Variants in KCP observed in about 807,000 individuals in gnomAD.
The protein encoded by KCP is kielin/chordin-like protein.
In KCP, 194 loss-of-function variants were observed where a neutral mutation model predicts 212.7. The observed-to-expected ratio is 0.91, with a 90% CI of 0.81 to 1.03. The LOEUF (loss-of-function observed/expected upper bound fraction) is 1.03. KCP is among the 50% of genes least tolerant of loss of function. The pLI is 0.00. For missense variants in KCP, 2,080 were observed against 2,162.5 expected, an observed-to-expected ratio of 0.96 and a Z score of 0.76; for synonymous variants, 833 against 865.3, an observed-to-expected ratio of 0.96 and a Z score of 0.65.
At chr7:128,907,606 G>A (rs993458308) in intron 2 of KCP, among the ~76,000 whole-genome samples, 153 bp from the exon 3 acceptor site, 7 of 152,170 alleles carry the variant, frequency 4.6e-5, no homozygotes, top group African/African-American at 1.2e-4. Context: ...CAGCTCAAAC[G>A]ATCACCATTC....
chr7:128,877,702 TC>T lies in KCP; in HGVS notation c.4399del (p.Glu1467ArgfsTer9). On this transcript the variant is annotated frameshift_variant, in exon 39 of 40. Transcript: ENST00000610776. LOFTEE classifies it high-confidence loss of function. ...CRAAGYRARR[E>X]ANARCGVLKS... ...CAGCACCCCACACCGGGCATTGGCC[TC>T]ACGCCTGGCACGGTAACCTGCTGCC... 2 of 1,551,250 alleles carry T rather than the reference TC, an allele frequency of 1.3e-6. No homozygotes were observed. The highest frequency in any genetic ancestry group is 1.7e-6 in the Non-Finnish European group (2 of 1,146,972).
intron 22 of KCP, among the ~76,000 whole-genome samples, chr7:128,888,505 AAC>A (rs980602051): frequency 3.5e-5 from 5 of 143,940 alleles, no homozygotes; most frequent in Admixed American, 6.9e-5. Flanking sequence ...CACACAGGCC[AAC>A]ACACACAGCC....
chr7:128,889,459 G>T (rs902294482), intron 21 of KCP, among the ~76,000 whole-genome samples: 2 of 152,194 alleles, frequency 1.3e-5, no homozygotes, highest in African/African-American at 4.8e-5. Context: ...CCAGGAAGGG[G>T]TGGGGTCCCA....
At chr7:128,902,911 C>G in intron 7 of KCP, 52 bp from the exon 8 acceptor site, 1 of 1,407,202 alleles carries the variant, frequency 7.1e-7, no homozygotes, top group South Asian at 1.2e-5. Context: ...TGGCCTGGAC[C>G]CCAGCCTCAG....
intron 27 of KCP, 103 bp from the exon 28 acceptor site, chr7:128,884,966 G>A: frequency 6.7e-7 from 1 of 1,486,744 alleles, no homozygotes; most frequent in South Asian, 1.2e-5. Flanking sequence ...ATCCCAGGGA[G>A]TGGAGTGTGC....
intron 5 of KCP, among the ~76,000 whole-genome samples, chr7:128,905,932 C>T (rs1447620212): frequency 1.3e-5 from 2 of 152,118 alleles, no homozygotes; most frequent in Admixed American, 6.5e-5. Context: ...CTGTGCCCTC[C>T]TCTGGCAAAA....
chr7:128,898,373 T>G (rs1354506094), intron 8 of KCP, among the ~76,000 whole-genome samples: 1 of 152,152 alleles, frequency 6.6e-6, no homozygotes, highest in Non-Finnish European at 1.5e-5. Context: ...GACTCTTAAC[T>G]ATACAACTTG....
At chr7:128,907,522 G>T (rs1038770911) in intron 2 of KCP, 69 bp from the exon 3 acceptor site, 2 of 1,121,380 alleles carry the variant, frequency 1.8e-6, no homozygotes, top group East Asian at 2.9e-5. Flanking sequence ...GAGATGAGGG[G>T]TGTGAAAATG....
chr7:128,886,890 C>T lies in KCP; in HGVS notation c.2675G>A (p.Cys892Tyr). ...AGGCAGCTCACTGTGGCAAACAGGGCAGAAGCAGGGGCCTGGAGAGGGGTG... is the reference window on the plus strand; with the variant it reads ...AGGCAGCTCACTGTGGCAAACAGGGTAGAAGCAGGGGCCTGGAGAGGGGTG... ...CPHPSPGPCF[C>Y]PVCHSCLSQG... The change falls in exon 24 of 40, where the codon TGC (cysteine) becomes TAC (tyrosine). Residue 892 changes from cysteine (C) to tyrosine (Y), a missense_variant. Transcript: ENST00000610776. The T allele has an allele frequency of 2.6e-6, 4 of 1,525,828 alleles. No individual in the cohort carries two copies. The highest frequency in any genetic ancestry group is 3.5e-6 in the Non-Finnish European group (4 of 1,130,610). 94.5% of individuals were successfully genotyped at this position (1,525,828 alleles called of 1,614,324 possible).
At chr7:128,902,885 G>C in intron 7 of KCP, 26 bp from the exon 8 acceptor site, 4 of 1,528,668 alleles carry the variant, frequency 2.6e-6, no homozygotes, top group Non-Finnish European at 3.6e-6. Flanking sequence ...TGAGAAGAGG[G>C]AGGCCTGGTG....
In KCP at chr7:128,910,690, C is replaced by CGCTCG. The variant is rs1795390767; in HGVS notation, c.-19_-15dup. 6.7e-7 allele frequency: 1 copy of CGCTCG among 1,484,234 alleles called. No individual in the cohort carries two copies. The highest frequency in any genetic ancestry group is 2.8e-5 in the East Asian group (1 of 35,938). The allele number at this position is 1,484,234 out of a possible 1,614,324, so 91.9% of individuals were successfully genotyped here. On this transcript the variant is annotated 5_prime_UTR_variant, in exon 1 of 40. Coordinates refer to ENST00000610776, the MANE Select transcript of KCP (RefSeq NM_001366122.1). ...GACCCCGGCCATGCTAGCTCCGCCT[C>CGCTCG]GCTCGGCTCGCCGTCTGTCGTCGCG...
chr7:128,881,586 G>T, intron 31 of KCP, 40 bp downstream of exon 31: 2 of 1,390,460 alleles, frequency 1.4e-6, no homozygotes, highest in Non-Finnish European at 1.9e-6. Flanking sequence ...GTTCCCCCTG[G>T]GCTCCTCTCT....
rs879282281 is a variant in KCP at position 128,902,007 on chromosome 7, G to A, written c.831+770C>T. On this transcript the variant is annotated intron_variant, in intron 8 of 39. Transcript: ENST00000610776. ...AAGATGTTCTAGATCTGTGCTGCCCGGTAGAAATACAATGTTAACCACTTA... is the reference window on the plus strand; with the variant it reads ...AAGATGTTCTAGATCTGTGCTGCCCAGTAGAAATACAATGTTAACCACTTA... 3.3e-5 allele frequency among the ~76,000 whole-genome samples: 5 copies of A among 152,264 alleles called. 1 individual carries two copies. The highest frequency in any genetic ancestry group is 7.2e-5 in the African/African-American group (3 of 41,544).
intron 26 of KCP, among the ~76,000 whole-genome samples, chr7:128,885,729 G>C (rs1793610171): frequency 6.6e-6 from 1 of 152,154 alleles, no homozygotes; most frequent in African/African-American, 2.4e-5. Context: ...ACAGTTCTGT[G>C]GTTCTGTAGA....
At chr7:128,898,655 A>C (rs1237669089) in intron 8 of KCP, among the ~76,000 whole-genome samples, 2 of 152,250 alleles carry the variant, frequency 1.3e-5, no homozygotes, top group African/African-American at 4.8e-5. Flanking sequence ...TTTTGGTAAA[A>C]GATTATAAAA....
chr7:128,908,258 G>GAA (rs746247183), intron 2 of KCP, among the ~76,000 whole-genome samples, 168 bp downstream of exon 2: 1 of 107,294 alleles, frequency 9.3e-6, no homozygotes, highest in Non-Finnish European at 2.2e-5. Flanking sequence ...AAAGAAGAAA[G>GAA]AAAGAAAGAA....
chr7:128,891,474 G>T lies in KCP; in HGVS notation c.1855C>A (p.Pro619Thr), dbSNP rs1219443238. ...ACCAGACAGCGACACAGACGGCAGGGGTCAGAGGGGTGGGGGAAGTCCGCT... is the reference window on the plus strand; with the variant it reads ...ACCAGACAGCGACACAGACGGCAGGTGTCAGAGGGGTGGGGGAAGTCCGCT... ...SGADFPHPSD[P>T]CRLCRCLSGN... is the part of the protein sequence containing the mutation. Residue 619 changes from proline (P) to threonine (T), a missense_variant, in exon 18 of 40, where the codon CCC becomes ACC. Transcript: ENST00000610776. 6.4e-7 allele frequency: 1 copy of T among 1,550,516 alleles called. No homozygotes were observed.
intron 31 of KCP, 114 bp downstream of exon 31, chr7:128,881,512 G>C: frequency 1.5e-6 from 1 of 659,590 alleles, no homozygotes; most frequent in Non-Finnish European, 2.4e-6. Context: ...CCTGCATTCT[G>C]TTCTAGAAAC....
intron 8 of KCP, among the ~76,000 whole-genome samples, chr7:128,901,779 G>A (rs1294449726): frequency 2.0e-5 from 3 of 152,198 alleles, no homozygotes; most frequent in East Asian, 3.9e-4. Context: ...TGTAGCTTTC[G>A]CACAGAGTCC....
Sources: allele counts gnomAD v4.1 joint callset (sites outside exome capture counted in the v4.1 genomes callset), GRCh38; gene constraint gnomAD v4.1.1; transcripts MANE v1.5; gene names NCBI Gene and HGNC (gene_info 2026-07-23, HGNC 2026-07-21).